The following GRPR variants were observed in gnomAD, a reference collection of about 807,000 sequenced individuals.
GRPR encodes gastrin-releasing peptide receptor.
In GRPR, 4 loss-of-function variants were observed where a neutral mutation model predicts 15.6. The ratio of observed to expected loss-of-function variants is 0.26; its 90% CI spans 0.13 to 0.59. GRPR has a LOEUF of 0.59. Ranked by LOEUF, GRPR falls within the 20% of genes least tolerant of loss-of-function variation. The pLI is 0.90. For missense variants in GRPR, 270 were observed against 304.1 expected (o/e 0.89, Z 0.83); for synonymous variants, 128 against 126.8 (o/e 1.01, Z -0.06).
Position 16,129,866 on chromosome X carries a change from C to T in GRPR, c.413+5500C>T, listed in dbSNP as rs180920077. On this transcript the variant is annotated intron_variant, in intron 1 of 2. Coordinates refer to ENST00000380289, the MANE Select transcript of GRPR (RefSeq NM_005314.3). The stretch of plus-strand genomic sequence containing the variant: ...CAGCTGCCAGTCTCTCTTTTATATC[C>T]CCCTGTCCCAAGACTTGCCAGAACA... Among the ~76,000 whole-genome samples, 18 of 111,153 alleles carry T rather than the reference C, an allele frequency of 1.6e-4. No individual in the cohort carries two copies. In the East Asian group the frequency reaches 4.6e-3, roughly 28 times the overall value.
chrX:16,136,676 G>T (rs776065250), intron 1 of GRPR, among the ~76,000 whole-genome samples: 1 of 111,929 alleles, frequency 8.9e-6, no homozygotes, highest in Non-Finnish European at 1.9e-5. Context: ...AACAGAAACG[G>T]TAAAACTTTT....
chrX:16,126,597 G>C (rs1395703076), intron 1 of GRPR, among the ~76,000 whole-genome samples: 1 of 111,706 alleles, frequency 9.0e-6, no homozygotes, highest in Non-Finnish European at 1.9e-5. Context: ...CCCTTTCCTA[G>C]TTAATACCCC....
rs759369174 is a variant in GRPR, at chrX:16,141,513, A to G, written c.414-8792A>G. ...CTAAGGTCAAAGTCTCACTCAGATGACCACTGCTGGCCCTGAGGCCTCTGA... is the reference window on the plus strand; with the variant it reads ...CTAAGGTCAAAGTCTCACTCAGATGGCCACTGCTGGCCCTGAGGCCTCTGA... On this transcript the variant is annotated intron_variant, in intron 1 of 2. Coordinates refer to ENST00000380289, the MANE Select transcript of GRPR (RefSeq NM_005314.3). Among the ~76,000 whole-genome samples the G allele has an allele frequency of 6.6e-4, 74 of 111,949 alleles. 1 individual carries two copies. The highest frequency in any genetic ancestry group is 2.2e-3 in the African/African-American group (68 of 30,823).
At chrX:16,128,656 G>C (rs923586018) in intron 1 of GRPR, among the ~76,000 whole-genome samples, 1 of 111,703 alleles carries the variant, frequency 9.0e-6, no homozygotes, top group South Asian at 3.8e-4. Flanking sequence ...GGGATAAATA[G>C]ATGGGTGGAT....
intron 1 of GRPR, among the ~76,000 whole-genome samples, chrX:16,141,232 A>G (rs139797548): frequency 1.1e-3 from 123 of 112,177 alleles, no homozygotes; most frequent in South Asian, 3.0e-3. Flanking sequence ...TTACAGGATT[A>G]GCATTGAGCT....
chrX:16,152,465 G>A lies in GRPR; in HGVS notation c.975G>A (p.Leu325=), dbSNP rs1296565911. ...SCVNPFALYL[L]SKSFRKQFNT... ...TGAACCCCTTTGCCCTCTACCTGCTGAGCAAGAGTTTCAGGAAACAGTTCA... is the reference window on the plus strand; with the variant it reads ...TGAACCCCTTTGCCCTCTACCTGCTAAGCAAGAGTTTCAGGAAACAGTTCA... Residue 325 remains leucine, a synonymous_variant, in exon 3 of 3, where the codon CTG becomes CTA. Transcript: ENST00000380289. 8.3e-7 allele frequency: 1 copy of A among 1,208,603 alleles called. No individual in the cohort carries two copies. The highest frequency in any genetic ancestry group is 1.8e-5 in the African/African-American group (1 of 57,044).
At chrX:16,127,269 G>T (rs1018997355) in intron 1 of GRPR, among the ~76,000 whole-genome samples, 6 of 111,405 alleles carry the variant, frequency 5.4e-5, no homozygotes, top group Non-Finnish European at 9.4e-5. Context: ...CCCCTTCACC[G>T]GGTGAATTCG....
chrX:16,141,263 T>C (rs960001324), intron 1 of GRPR, among the ~76,000 whole-genome samples: 5 of 112,295 alleles, frequency 4.5e-5, no homozygotes, highest in Non-Finnish European at 7.5e-5. Context: ...ATCACTCTGC[T>C]GAAACTCATT....
Position 16,153,259 on chromosome X carries a change from T to TAA in GRPR, c.*618_*619dup, listed in dbSNP as rs767564828. The TAA allele has an allele frequency of 2.7e-5, 3 of 110,061 alleles. No homozygotes were observed. Among genetic ancestry groups the TAA allele is most frequent in the Middle Eastern group, 4.6e-3 (1 of 217 alleles). 9.1% of individuals were successfully genotyped at this position (110,061 alleles called of 1,213,427 possible). ...ATTCCCTAAGCATTTATTTTTTTTTTAAAAAGATGTTACTGAGGACCTAGA... is the reference window on the plus strand; with the variant it reads ...ATTCCCTAAGCATTTATTTTTTTTTTAAAAAAAGATGTTACTGAGGACCTAGA... On this transcript the variant is annotated 3_prime_UTR_variant, in exon 3 of 3. Coordinates refer to ENST00000380289, the MANE Select transcript of GRPR (RefSeq NM_005314.3).
intron 1 of GRPR, among the ~76,000 whole-genome samples, chrX:16,130,364 A>G (rs997836803): frequency 8.9e-6 from 1 of 112,661 alleles, no homozygotes; most frequent in Admixed American, 9.4e-5. Flanking sequence ...TTTGACACAG[A>G]GACCAAAAGA....
chrX:16,149,861 GATTTTAAGTGTTCTC>G (rs758694295), intron 1 of GRPR, among the ~76,000 whole-genome samples: 56 of 111,194 alleles, frequency 5.0e-4, no homozygotes, highest in Non-Finnish European at 7.9e-4. Flanking sequence ...TTGCTGAGTC[GATTTTAAGTGTTCTC>G]ATTTTAAAAA....
intron 1 of GRPR, among the ~76,000 whole-genome samples, chrX:16,139,139 T>A (rs957436333): frequency 1.2e-4 from 14 of 112,074 alleles, no homozygotes; most frequent in African/African-American, 4.5e-4. Context: ...TTTTCATATA[T>A]CATAGGACTG....
In GRPR at chrX:16,124,351, C is replaced by T. The variant is rs368731320; in HGVS notation, c.398C>T (p.Ala133Val). ...SVGVSVFTLT[A>V]LSADRYKAIV... is the part of the protein sequence containing the mutation. The stretch of plus-strand genomic sequence containing the variant: ...GGGGTGTCTGTCTTCACACTCACGG[C>T]GCTCTCGGCAGACAGGTAAGTACAG... Residue 133 changes from alanine (A) to valine (V), a missense_variant, in exon 1 of 3, where the codon GCG (alanine) becomes GTG (valine). Physicochemically the swap from Ala to Val is moderately conservative, Grantham distance 64. Coordinates refer to ENST00000380289, the MANE Select transcript of GRPR (RefSeq NM_005314.3). The T allele has an allele frequency of 9.9e-5, 120 of 1,207,595 alleles. No homozygotes were observed. Among genetic ancestry groups the T allele is most frequent in the Non-Finnish European group, 1.2e-4 (111 of 893,585 alleles).
Position 16,145,500 on chromosome X carries a change from G to A in GRPR, c.414-4805G>A, listed in dbSNP as rs886393798. 2.7e-5 allele frequency among the ~76,000 whole-genome samples: 3 copies of A among 112,036 alleles called. No homozygotes were observed. The Admixed American group carries it at 2.8e-4, about 11-fold the overall frequency. ...AAGGATGGTTACCAGAGGCTGAGAA[G>A]GGTAGTGGGATAGGCGGGAGGCAGT... On this transcript the variant is annotated intron_variant, in intron 1 of 2. Coordinates refer to ENST00000380289, the MANE Select transcript of GRPR (RefSeq NM_005314.3).
At position 16,124,030 on chromosome X, in the gene GRPR, C is replaced by T. The variant is rs370081281; in HGVS notation, c.77C>T (p.Ala26Val). Reference protein sequence around the residue: ...FMHCNISSHSADLPVNDDWSH... With the variant: ...FMHCNISSHSVDLPVNDDWSH... Reference sequence around the variant, plus strand: ...CACTGCAACATCTCCAGTCACAGTGCGGATCTCCCCGTGAACGATGACTGG... The same window carrying T: ...CACTGCAACATCTCCAGTCACAGTGTGGATCTCCCCGTGAACGATGACTGG... Residue 26 changes from alanine to valine, a missense_variant, in exon 1 of 3, where the codon GCG becomes GTG. Physicochemically the swap from Ala to Val is moderately conservative, Grantham distance 64 (BLOSUM62 0). Coordinates refer to ENST00000380289, the MANE Select transcript of GRPR (RefSeq NM_005314.3). 47 of 1,197,805 alleles carry T rather than the reference C, an allele frequency of 3.9e-5. No homozygotes were observed. Among genetic ancestry groups the T allele is most frequent in the African/African-American group, 5.3e-5 (3 of 56,829 alleles).
chrX:16,148,752 A>C (rs747397747), intron 1 of GRPR, among the ~76,000 whole-genome samples: 1 of 111,438 alleles, frequency 9.0e-6, no homozygotes, highest in South Asian at 3.8e-4. Flanking sequence ...TGCCCACCAA[A>C]GGCTCATCCT....
chrX:16,131,350 GA>G (rs748531968), intron 1 of GRPR, among the ~76,000 whole-genome samples: 9 of 111,998 alleles, frequency 8.0e-5, no homozygotes, highest in East Asian at 5.6e-4. Context: ...TAGAACAAGG[GA>G]TTTTGAAGAA....
chrX:16,129,535 C>T (rs1922346427), intron 1 of GRPR, among the ~76,000 whole-genome samples: 1 of 111,373 alleles, frequency 9.0e-6, no homozygotes, highest in Non-Finnish European at 1.9e-5. Context: ...AATTTCTTCC[C>T]CAGGATACAC....
At chrX:16,128,468 T>TTG (rs2147030346) in intron 1 of GRPR, among the ~76,000 whole-genome samples, 1 of 111,317 alleles carries the variant, frequency 9.0e-6, no homozygotes, top group African/African-American at 3.3e-5. Context: ...TGAGCCGACA[T>TTG]TGTGCCACTG....
Sources: gnomAD v4.1 joint callset for allele counts (sites outside exome capture counted in the v4.1 genomes callset) on GRCh38, gnomAD v4.1.1 for gene constraint, MANE v1.5 for transcripts, NCBI Gene and HGNC (gene_info 2026-07-23, HGNC 2026-07-21) for gene names.